The following GPR137C variants were observed in gnomAD, a reference collection of about 807,000 sequenced individuals.
GPR137C encodes the protein integral membrane protein GPR137C.
A neutral mutation model predicts 43.4 loss-of-function variants in GPR137C; 27 were observed. The ratio of observed to expected loss-of-function variants is 0.62; its 90% CI spans 0.46 to 0.86. The LOEUF is 0.86. Among genes scored for constraint, GPR137C ranks in the 40% least tolerant of loss-of-function variants. GPR137C has a pLI of 0.00. For synonymous variants in GPR137C, 285 were observed against 226.9 expected, an observed-to-expected ratio of 1.26 and a Z score of -2.30; for missense variants, 522 against 534.6, an observed-to-expected ratio of 0.98 and a Z score of 0.23.
rs568234551 is a variant in GPR137C at position 52,637,534 on chromosome 14, G to A, written c.*2419G>A. 6.6e-6 allele frequency: 1 copy of A among 152,116 alleles called. No individual in the cohort carries two copies. Among genetic ancestry groups the A allele is most frequent in the Admixed American group, 6.6e-5 (1 of 15,252 alleles). The allele number at this position is 152,116 out of a possible 1,614,324, so 9.4% of individuals were successfully genotyped here. A position where few individuals can be genotyped will look rare whatever the true frequency, so the allele number is the denominator to read the frequency against. On this transcript the variant is annotated 3_prime_UTR_variant, in exon 7 of 7. Coordinates refer to ENST00000321662, the MANE Select transcript of GPR137C (RefSeq NM_001099652.2). Reference sequence around the variant, plus strand: ...AGTTTTATGGAAAATGTAATTTATAGCTAAAGTGGCTTTTTTATGCATAGC... The same window carrying A: ...AGTTTTATGGAAAATGTAATTTATAACTAAAGTGGCTTTTTTATGCATAGC...
At chr14:52,571,866 G>A (rs1325059127) in intron 1 of GPR137C, among the ~76,000 whole-genome samples, 1 of 151,954 alleles carries the variant, frequency 6.6e-6, no homozygotes, top group Non-Finnish European at 1.5e-5. Flanking sequence ...TAATAAAGAA[G>A]AAAAGAAAGA....
At chr14:52,633,797 C>A (rs371272495) in intron 5 of GPR137C, 31 bp from the exon 6 acceptor site, 2 of 1,547,158 alleles carry the variant, frequency 1.3e-6, no homozygotes, top group East Asian at 4.5e-5. Context: ...AAAGTAAAAC[C>A]TTCATATGCT....
chr14:52,632,644 C>A (rs1320173134), intron 4 of GPR137C, among the ~76,000 whole-genome samples: 1 of 151,898 alleles, frequency 6.6e-6, no homozygotes, highest in African/African-American at 2.4e-5. Flanking sequence ...TATTATTAGC[C>A]AGTGAATATG....
intron 3 of GPR137C, among the ~76,000 whole-genome samples, chr14:52,628,264 T>G (rs964616285): frequency 6.6e-6 from 1 of 152,194 alleles, no homozygotes; most frequent in Non-Finnish European, 1.5e-5. Flanking sequence ...CACAAGGAAT[T>G]TTTTAAACTA....
At chr14:52,609,983 C>G (rs1463134753) in intron 3 of GPR137C, among the ~76,000 whole-genome samples, 1 of 152,222 alleles carries the variant, frequency 6.6e-6, no homozygotes, top group African/African-American at 2.4e-5. Context: ...AAAACATACA[C>G]TAAGTTTATT....
intron 3 of GPR137C, among the ~76,000 whole-genome samples, chr14:52,626,150 A>G (rs556028105): frequency 6.6e-6 from 1 of 152,334 alleles, no homozygotes; most frequent in African/African-American, 2.4e-5. Context: ...ATGTAAAACT[A>G]TACCATTTTA....
chr14:52,604,106 TTATC>T (rs1339983224), intron 3 of GPR137C, among the ~76,000 whole-genome samples: 4 of 152,170 alleles, frequency 2.6e-5, no homozygotes, highest in South Asian at 2.1e-4. Flanking sequence ...TTTAATTTGA[TTATC>T]TATCTTTTTG....
chr14:52,622,963 G>T (rs2039177434), intron 3 of GPR137C, among the ~76,000 whole-genome samples: 1 of 152,002 alleles, frequency 6.6e-6, no homozygotes, highest in South Asian at 2.1e-4. Context: ...CTTGATTTGT[G>T]CTAAGGCCCA....
intron 3 of GPR137C, among the ~76,000 whole-genome samples, chr14:52,601,667 T>A (rs2038927470): frequency 6.6e-6 from 1 of 152,096 alleles, no homozygotes. Context: ...TTAAAAATAA[T>A]ACTGTCACTG....
At chr14:52,557,406 C>T (rs1399508990) in intron 1 of GPR137C, among the ~76,000 whole-genome samples, 1 of 152,076 alleles carries the variant, frequency 6.6e-6, no homozygotes, top group African/African-American at 2.4e-5. Flanking sequence ...GCAAATGGCC[C>T]ATACTAATTA....
At chr14:52,590,040 C>G (rs1042142938) in intron 1 of GPR137C, among the ~76,000 whole-genome samples, 1 of 151,962 alleles carries the variant, frequency 6.6e-6, no homozygotes, top group East Asian at 1.9e-4. Flanking sequence ...AGGAAGTATT[C>G]CAGAAGAAGG....
intron 1 of GPR137C, among the ~76,000 whole-genome samples, chr14:52,591,360 T>C (rs1490224277): frequency 1.3e-5 from 2 of 152,228 alleles, no homozygotes; most frequent in African/African-American, 4.8e-5. Flanking sequence ...ATGGGATCGC[T>C]GGGTCAAGTA....
chr14:52,613,643 G>A (rs1370016074), intron 3 of GPR137C: 3 of 224,512 alleles, frequency 1.3e-5, no homozygotes, highest in Non-Finnish European at 2.7e-5. Context: ...TATTTAACAT[G>A]ATGATCTCCA....
Position 52,633,628 on chromosome 14 carries a change from C to T in GPR137C, c.966C>T (p.Phe322=). The T allele has an allele frequency of 6.2e-7, 1 of 1,613,024 alleles. No individual in the cohort carries two copies. The highest frequency in any genetic ancestry group is 8.5e-7 in the Non-Finnish European group (1 of 1,179,302). ...CAGCATGGTCGGTGGTACTGTTTTT[C>T]CGGGCACAGAGATTAAACCAGAATT... ...HVPAWSVVLF[F]RAQRLNQNLA... Residue 322 remains phenylalanine, a synonymous_variant, in exon 5 of 7, where the codon TTC becomes TTT. Coordinates refer to ENST00000321662, the MANE Select transcript of GPR137C (RefSeq NM_001099652.2).
At chr14:52,628,272 C>T (rs1437555614) in intron 3 of GPR137C, among the ~76,000 whole-genome samples, 1 of 152,138 alleles carries the variant, frequency 6.6e-6, no homozygotes, top group East Asian at 1.9e-4. Context: ...ATTTTTTAAA[C>T]TAGTGGTGCT....
At position 52,636,070 on chromosome 14, in the gene GPR137C, A is replaced by G. The variant is rs2039349990; in HGVS notation, c.*955A>G. 6.6e-6 allele frequency: 1 copy of G among 152,152 alleles called. No individual in the cohort carries two copies. The highest frequency in any genetic ancestry group is 6.6e-5 in the Admixed American group (1 of 15,238). The allele number at this position is 152,152 out of a possible 1,614,324, so 9.4% of individuals were successfully genotyped here. A position where few individuals can be genotyped will look rare whatever the true frequency, so the allele number is the denominator to read the frequency against. On this transcript the variant is annotated 3_prime_UTR_variant, in exon 7 of 7. Transcript: ENST00000321662. ...AATCAGGATTGTCCTCAGGTAAATG[A>G]AATCATGATACATTATTGCAGTGAA...
At chr14:52,567,662 G>GTTT (rs397853244) in intron 1 of GPR137C, among the ~76,000 whole-genome samples, 6 of 134,116 alleles carry the variant, frequency 4.5e-5, no homozygotes, top group Non-Finnish European at 4.7e-5. Context: ...TTTTTTTTTG[G>GTTT]TTTTTTTTTT....
chr14:52,614,422 A>G (rs1033111341), intron 3 of GPR137C, among the ~76,000 whole-genome samples: 1 of 151,964 alleles, frequency 6.6e-6, no homozygotes, highest in Non-Finnish European at 1.5e-5. Context: ...GCACTTTTTC[A>G]TATTCTTGTT....
chr14:52,598,425 C>T (rs112870060), intron 2 of GPR137C, 110 bp downstream of exon 2: 166 of 461,170 alleles, frequency 3.6e-4, no homozygotes, highest in African/African-American at 2.8e-3. Flanking sequence ...GTAGACTTCT[C>T]GTGGTAGAAG....
Sources: allele counts gnomAD v4.1 joint callset (sites outside exome capture counted in the v4.1 genomes callset), GRCh38; gene constraint gnomAD v4.1.1; transcripts MANE v1.5; gene names NCBI Gene and HGNC (gene_info 2026-07-23, HGNC 2026-07-21).